The following GNPNAT1 variants were observed in gnomAD, a reference collection of about 807,000 sequenced individuals.
GNPNAT1 encodes the protein glucosamine-phosphate N-acetyltransferase 1.
Under a neutral mutation model 19.8 loss-of-function variants are expected in GNPNAT1, and 11 were observed. That is an observed-to-expected ratio of 0.56 (90% CI 0.35 to 0.92). The LOEUF (loss-of-function observed/expected upper bound fraction) is 0.92, where lower values mean the gene tolerates loss of function less well. Among genes scored for constraint, GNPNAT1 ranks in the 40% least tolerant of loss-of-function variants. The probability of loss-of-function intolerance (pLI) is 0.01; values close to 1 mark genes in which losing one functional copy is unlikely to be tolerated. For missense variants in GNPNAT1, 157 were observed against 211.0 expected (o/e 0.74, Z 1.59); for synonymous variants, 71 against 72.3 (o/e 0.98, Z 0.09).
intron 1 of GNPNAT1, among the ~76,000 whole-genome samples, chr14:52,786,247 T>C (rs1883015920): frequency 6.6e-6 from 1 of 151,674 alleles, no homozygotes; most frequent in African/African-American, 2.4e-5. Flanking sequence ...GCTCGTGCCT[T>C]TAATCCCAGC....
chr14:52,778,956 C>T (rs1030967007), intron 5 of GNPNAT1, among the ~76,000 whole-genome samples: 21 of 151,846 alleles, frequency 1.4e-4, no homozygotes, highest in African/African-American at 4.1e-4. Flanking sequence ...GTCAAGGCTG[C>T]GGTGAGTAGT....
Position 52,783,424 on chromosome 14 carries a change from C to G in GNPNAT1, c.216G>C (p.Met72Ile). ...GGAAAAAGAGGTTATAGTACTTACTCATAAATTGTTCAGGGCTGACAACTC... is the reference window on the plus strand; with the variant it reads ...GGAAAAAGAGGTTATAGTACTTACTGATAAATTGTTCAGGGCTGACAACTC... ...ETGVVSPEQF[M>I]KSFEHMKKSG... Residue 72 changes from methionine to isoleucine, a missense_variant and splice_region_variant, in exon 3 of 6, where the codon ATG becomes ATC. Physicochemically the swap from Met to Ile is conservative, Grantham distance 10. Transcript: ENST00000216410. 6.3e-7 allele frequency: 1 copy of G among 1,597,672 alleles called. No homozygotes were observed. Among genetic ancestry groups the G allele is most frequent in the Non-Finnish European group, 8.6e-7 (1 of 1,165,960 alleles).
rs1882737809 is a variant in GNPNAT1, at chr14:52,776,810, C to T, written c.*1501G>A. 6.6e-6 allele frequency: 1 copy of T among 152,170 alleles called. No homozygotes were observed. The highest frequency in any genetic ancestry group is 1.5e-5 in the Non-Finnish European group (1 of 68,038). 9.4% of individuals were successfully genotyped at this position (152,170 alleles called of 1,614,324 possible). A position where few individuals can be genotyped will look rare whatever the true frequency, so the allele number is the denominator to read the frequency against. On this transcript the variant is annotated 3_prime_UTR_variant, in exon 6 of 6. Transcript: ENST00000216410. The stretch of plus-strand genomic sequence containing the variant: ...GACCTTGTGATCTGCCCACCTCAGC[C>T]TCCCAAAGTGCTGGGATTACAGGCG...
rs1882737506 is a variant in GNPNAT1, at chr14:52,776,806, C to T, written c.*1505G>A. ...TCCTGACCTTGTGATCTGCCCACCTCAGCCTCCCAAAGTGCTGGGATTACA... is the reference window on the plus strand; with the variant it reads ...TCCTGACCTTGTGATCTGCCCACCTTAGCCTCCCAAAGTGCTGGGATTACA... On this transcript the variant is annotated 3_prime_UTR_variant, in exon 6 of 6. Coordinates refer to ENST00000216410, the MANE Select transcript of GNPNAT1 (RefSeq NM_198066.4). The T allele has an allele frequency of 6.6e-6, 1 of 152,192 alleles. No homozygotes were observed. The highest frequency in any genetic ancestry group is 6.5e-5 in the Admixed American group (1 of 15,270). 9.4% of individuals were successfully genotyped at this position (152,192 alleles called of 1,614,324 possible). A position where few individuals can be genotyped will look rare whatever the true frequency, so the allele number is the denominator to read the frequency against.
At chr14:52,780,596 A>G in intron 5 of GNPNAT1, 83 bp downstream of exon 5, 8 of 831,338 alleles carry the variant, frequency 9.6e-6, no homozygotes, top group Non-Finnish European at 1.2e-5. Flanking sequence ...AATGAAGCCA[A>G]AAAGAACTTC....
At chr14:52,786,293 T>C (rs1211846545) in intron 1 of GNPNAT1, among the ~76,000 whole-genome samples, 2 of 150,358 alleles carry the variant, frequency 1.3e-5, no homozygotes, top group Admixed American at 1.3e-4. Flanking sequence ...TCACCAGAGG[T>C]CAGGAGGTCA....
chr14:52,780,159 A>G (rs1438277013), intron 5 of GNPNAT1, among the ~76,000 whole-genome samples: 2 of 152,324 alleles, frequency 1.3e-5, no homozygotes, highest in East Asian at 3.9e-4. Flanking sequence ...AGCTGTCAAA[A>G]ACAGACCCTG....
chr14:52,782,426 CT>C (rs1289665140), intron 3 of GNPNAT1, among the ~76,000 whole-genome samples: 2 of 152,052 alleles, frequency 1.3e-5, no homozygotes, highest in African/African-American at 4.8e-5. Context: ...ATGACTTGCT[CT>C]TGTTTGCTTT....
chr14:52,775,222 G>T lies in GNPNAT1; in HGVS notation c.*3089C>A, dbSNP rs17125749. The T allele has an allele frequency of 1.3e-5, 2 of 152,120 alleles. No individual in the cohort carries two copies. Among genetic ancestry groups the T allele is most frequent in the East Asian group, 3.9e-4 (2 of 5,194 alleles). The allele number at this position is 152,120 out of a possible 1,614,324, so 9.4% of individuals were successfully genotyped here. A position where few individuals can be genotyped will look rare whatever the true frequency, so the allele number is the denominator to read the frequency against. On this transcript the variant is annotated 3_prime_UTR_variant, in exon 6 of 6. Coordinates refer to ENST00000216410, the MANE Select transcript of GNPNAT1 (RefSeq NM_198066.4). ...ATTCCAGCTCAAGTTTATTTTTAAG[G>T]ATTAGTTGAGCAAGTTTGGAGTTGG...
chr14:52,787,373 G>GATGTAACATAAC (rs1448134202), intron 1 of GNPNAT1, among the ~76,000 whole-genome samples: 12 of 152,276 alleles, frequency 7.9e-5, no homozygotes, highest in Admixed American at 2.0e-4. Flanking sequence ...GGAAGGTAGT[G>GATGTAACATAAC]TGATGTGATG....
At chr14:52,778,542 A>G in intron 5 of GNPNAT1, 84 bp from the exon 6 acceptor site, 4 of 1,202,410 alleles carry the variant, frequency 3.3e-6, no homozygotes, top group Non-Finnish European at 4.7e-6. Flanking sequence ...TTAATGTTAT[A>G]AAACTTAAGT....
At position 52,785,513 on chromosome 14, in the gene GNPNAT1, G is replaced by A. The variant is rs147811595; in HGVS notation, c.-14-849C>T. 5.1e-3 allele frequency among the ~76,000 whole-genome samples: 775 copies of A among 151,346 alleles called. 8 individuals are homozygous for A. The highest frequency in any genetic ancestry group is 0.046 in the East Asian group (223 of 4,844). On this transcript the variant is annotated intron_variant, in intron 1 of 5. Transcript: ENST00000216410. ...CGAGGTGGGCAGATCACCTGAGGTC[G>A]GGAGTTCGAGACCAGCCTGACCAAC...
intron 1 of GNPNAT1, among the ~76,000 whole-genome samples, chr14:52,785,748 A>T (rs1458596536): frequency 6.9e-6 from 1 of 144,852 alleles, no homozygotes; most frequent in African/African-American, 2.5e-5. Flanking sequence ...CTGGGCATGT[A>T]GCCTTTTTTT....
At position 52,776,565 on chromosome 14, in the gene GNPNAT1, GTT is replaced by G. The variant is rs1882728380; in HGVS notation, c.*1744_*1745del. The G allele has an allele frequency of 6.6e-6, 1 of 151,890 alleles. No individual in the cohort carries two copies. The highest frequency in any genetic ancestry group is 6.6e-5 in the Admixed American group (1 of 15,240). The allele number at this position is 151,890 out of a possible 1,614,324, so 9.4% of individuals were successfully genotyped here. On this transcript the variant is annotated 3_prime_UTR_variant, in exon 6 of 6. Coordinates refer to ENST00000216410, the MANE Select transcript of GNPNAT1 (RefSeq NM_198066.4). ...GCCTTTAAGTAGGCTAATTTTTTTTGTTTTGTTTTGAGATGGAGTCTCTCTCT... is the reference window on the plus strand; with the variant it reads ...GCCTTTAAGTAGGCTAATTTTTTTTGTTGTTTTGAGATGGAGTCTCTCTCT...
intron 5 of GNPNAT1, among the ~76,000 whole-genome samples, chr14:52,779,739 A>AAC (rs1882841042): frequency 6.7e-6 from 1 of 150,324 alleles, no homozygotes; most frequent in Admixed American, 6.6e-5. Context: ...AAAAAAAAAA[A>AAC]AAAAAAAAAA....
rs1302511385 is a variant in GNPNAT1, at chr14:52,778,231, T to C, written c.*80A>G. 3 of 1,103,786 alleles carry C rather than the reference T, an allele frequency of 2.7e-6. No homozygotes were observed. Among genetic ancestry groups the C allele is most frequent in the Non-Finnish European group, 3.8e-6 (3 of 780,758 alleles). The allele number at this position is 1,103,786 out of a possible 1,614,324, so 68.4% of individuals were successfully genotyped here. The stretch of plus-strand genomic sequence containing the variant: ...CCAGTATTTATGGAGGTCACTCGGC[T>C]GCAGCAACAAAATATTTCAACTCTA... On this transcript the variant is annotated 3_prime_UTR_variant, in exon 6 of 6. Transcript: ENST00000216410.
rs779340269 is a variant in GNPNAT1, at chr14:52,784,676, A to T, written c.-14-12T>A. 6.5e-6 allele frequency: 8 copies of T among 1,229,674 alleles called. No individual in the cohort carries two copies. Among genetic ancestry groups the T allele is most frequent in the Admixed American group, 5.0e-5 (2 of 39,994 alleles). 76.2% of individuals were successfully genotyped at this position (1,229,674 alleles called of 1,614,324 possible). A position where few individuals can be genotyped will look rare whatever the true frequency, so the allele number is the denominator to read the frequency against. ...TTTTCTAGTAAGGTCTAAAATAAAA[A>T]TTTGAATATTAAGTCACTTTATTTA... On this transcript the variant is annotated splice_polypyrimidine_tract_variant and intron_variant, in intron 1 of 5. Transcript: ENST00000216410.
chr14:52,782,398 A>G (rs550115394), intron 3 of GNPNAT1, among the ~76,000 whole-genome samples: 1 of 152,170 alleles, frequency 6.6e-6, no homozygotes, highest in South Asian at 2.1e-4. Context: ...TTTGTGATGG[A>G]AAGTGTTTTG....
At chr14:52,786,857 A>ATT (rs567085170) in intron 1 of GNPNAT1, among the ~76,000 whole-genome samples, 1,762 of 98,388 alleles carry the variant, frequency 0.018, 96 homozygotes, top group Middle Eastern at 0.025. Flanking sequence ...CAGGTTTTGG[A>ATT]TTTTTTTTTT....
Sources: gnomAD v4.1 joint callset for allele counts (sites outside exome capture counted in the v4.1 genomes callset) on GRCh38, gnomAD v4.1.1 for gene constraint, MANE v1.5 for transcripts, NCBI Gene and HGNC (gene_info 2026-07-23, HGNC 2026-07-21) for gene names.